The following PKHD1 variants were observed in gnomAD, a reference collection of about 807,000 sequenced individuals.
PKHD1 encodes the protein fibrocystin.
In PKHD1, 291 loss-of-function variants were observed where a neutral mutation model predicts 412.0. The observed-to-expected ratio is 0.71, with a 90% CI of 0.64 to 0.78. The LOEUF (loss-of-function observed/expected upper bound fraction) is 0.78. PKHD1 is among the 30% of genes least tolerant of loss of function. The pLI is 0.00. For synonymous variants in PKHD1, 1,777 were observed against 1,821.5 expected (o/e 0.98, Z 0.62); for missense variants, 4,825 against 4,950.7 (o/e 0.97, Z 0.76).
chr6:51,830,826 T>A (rs758564053), intron 52 of PKHD1, 35 bp downstream of exon 52: 1 of 1,601,664 alleles, frequency 6.2e-7, no homozygotes, highest in Non-Finnish European at 8.6e-7. Flanking sequence ...GGGTTCAGCC[T>A]GTCTGTGATT....
At chr6:51,680,717 T>C (rs868227727) in intron 60 of PKHD1, among the ~76,000 whole-genome samples, 26 of 152,058 alleles carry the variant, frequency 1.7e-4, no homozygotes, top group African/African-American at 5.8e-4. Context: ...GTGTCTTTAT[T>C]TTAATTAAAT....
intron 48 of PKHD1, 124 bp downstream of exon 48, chr6:51,867,739 C>T: frequency 1.1e-6 from 1 of 907,682 alleles, no homozygotes; most frequent in Non-Finnish European, 1.7e-6. Flanking sequence ...ATTCCCATTT[C>T]ACTTCTTTAG....
intron 6 of PKHD1, among the ~76,000 whole-genome samples, chr6:52,075,167 A>T (rs535409765): frequency 6.6e-6 from 1 of 152,368 alleles, no homozygotes; most frequent in South Asian, 2.1e-4. Context: ...AAAGGAGCAG[A>T]TCTGTGAAAA....
At chr6:51,957,460 C>T (rs920996826) in intron 36 of PKHD1, among the ~76,000 whole-genome samples, 1 of 152,054 alleles carries the variant, frequency 6.6e-6, no homozygotes, top group Non-Finnish European at 1.5e-5. Flanking sequence ...TAGGGTTTTA[C>T]TACTAATGAA....
At chr6:51,850,359 T>A (rs1352205261) in intron 49 of PKHD1, among the ~76,000 whole-genome samples, 1 of 152,212 alleles carries the variant, frequency 6.6e-6, no homozygotes, top group Non-Finnish European at 1.5e-5. Flanking sequence ...TTGCTTAGGA[T>A]TGTCTTGGCT....
chr6:52,029,530 C>T (rs1000796864), intron 29 of PKHD1, among the ~76,000 whole-genome samples: 2 of 152,086 alleles, frequency 1.3e-5, no homozygotes, highest in African/African-American at 2.4e-5. Flanking sequence ...ATCAGAGCAA[C>T]ATTATGAATA....
Position 52,082,515 on chromosome 6 carries a change from T to G in PKHD1, c.158A>C (p.Asn53Thr), listed in dbSNP as rs141790557. ...DGLELGVLYP[N>T]NGSQLEIHLV... ...GTGTATCTCCAATTGAGAGCCATTGTTGGGGTAAAGAACACCCAACTCCAA... is the reference window on the plus strand; with the variant it reads ...GTGTATCTCCAATTGAGAGCCATTGGTGGGGTAAAGAACACCCAACTCCAA... Residue 53 changes from asparagine to threonine, a missense_variant, in exon 4 of 67, where the codon AAC becomes ACC. Transcript: ENST00000371117. 3 of 1,614,008 alleles carry G rather than the reference T, an allele frequency of 1.9e-6. No homozygotes were observed. The East Asian group carries it at 6.7e-5, about 36-fold the overall frequency.
Position 51,813,886 on chromosome 6 carries a change from T to C in PKHD1, c.8302+16975A>G, listed in dbSNP as rs1052198051. Among the ~76,000 whole-genome samples, 42 of 152,204 alleles carry C rather than the reference T, an allele frequency of 2.8e-4. 1 individual carries two copies. The highest frequency in any genetic ancestry group is 2.7e-3 in the Admixed American group (42 of 15,274). On this transcript the variant is annotated intron_variant, in intron 52 of 66. Transcript: ENST00000371117. Reference sequence around the variant, plus strand: ...AAACCAGCCTTCCCCTTCTCTTTGTTACCTGAAAAACCTAGGCATAAAGCT... The same window carrying C: ...AAACCAGCCTTCCCCTTCTCTTTGTCACCTGAAAAACCTAGGCATAAAGCT...
At chr6:51,682,788 C>T (rs1188692309) in intron 60 of PKHD1, among the ~76,000 whole-genome samples, 2 of 151,990 alleles carry the variant, frequency 1.3e-5, no homozygotes, top group Non-Finnish European at 2.9e-5. Flanking sequence ...GGAATAGAAA[C>T]AGTAGATTGA....
intron 33 of PKHD1, among the ~76,000 whole-genome samples, chr6:52,020,758 T>C (rs919569626): frequency 6.6e-6 from 1 of 152,154 alleles, no homozygotes; most frequent in African/African-American, 2.4e-5. Flanking sequence ...GCTGGGAAAT[T>C]CTCCCCTGAA....
At chr6:51,669,827 G>A (rs1274206245) in intron 60 of PKHD1, among the ~76,000 whole-genome samples, 1 of 117,708 alleles carries the variant, frequency 8.5e-6, no homozygotes, top group African/African-American at 4.3e-5. Flanking sequence ...TCAGGAGCAG[G>A]TTGTTCAGTT....
rs1766274388 is a variant in PKHD1, at chr6:51,618,975, T to A, written c.*106A>T. On this transcript the variant is annotated 3_prime_UTR_variant, in exon 67 of 67. Transcript: ENST00000371117. ...AAAAAGGGATTCAGAGTCCACATTC[T>A]CTCTTCTTAGTTGTCCCAGCAGGAC... The A allele has an allele frequency of 1.9e-6, 2 of 1,027,742 alleles. No homozygotes were observed. Among genetic ancestry groups the A allele is most frequent in the Admixed American group, 3.4e-5 (2 of 58,940 alleles). The allele number at this position is 1,027,742 out of a possible 1,614,324, so 63.7% of individuals were successfully genotyped here. A position where few individuals can be genotyped will look rare whatever the true frequency, so the allele number is the denominator to read the frequency against.
rs998727507 is a variant in PKHD1, at chr6:51,908,254, A to G, written c.6682+1029T>C. Among the ~76,000 whole-genome samples the G allele has an allele frequency of 3.9e-5, 6 of 152,282 alleles. No homozygotes were observed. The South Asian group carries it at 6.2e-4, about 16-fold the overall frequency. ...CTTAGCATGCAGATAATTTGAAATG[A>G]AGGAAAATGTTGCTTCTGGCAGTTC... On this transcript the variant is annotated intron_variant, in intron 40 of 66. Coordinates refer to ENST00000371117, the MANE Select transcript of PKHD1 (RefSeq NM_138694.4).
At chr6:51,747,038 T>C in intron 58 of PKHD1, 149 bp from the exon 59 acceptor site, 1 of 595,802 alleles carries the variant, frequency 1.7e-6, no homozygotes, top group Non-Finnish European at 2.9e-6. Context: ...ACATACATCT[T>C]GATATAAAAT....
chr6:51,699,907 A>AAT (rs1480951661), intron 60 of PKHD1, among the ~76,000 whole-genome samples: 6 of 59,144 alleles, frequency 1.0e-4, no homozygotes, highest in Non-Finnish European at 2.1e-4. Context: ...TGGCCTCTGG[A>AAT]ATATATATAT....
At chr6:51,972,930 C>T (rs1233959483) in intron 35 of PKHD1, among the ~76,000 whole-genome samples, 1 of 152,184 alleles carries the variant, frequency 6.6e-6, no homozygotes, top group Non-Finnish European at 1.5e-5. Flanking sequence ...TCAGAAAGGG[C>T]AATCTGATAG....
intron 1 of PKHD1, among the ~76,000 whole-genome samples, chr6:52,085,497 C>G (rs1436752827): frequency 6.6e-6 from 1 of 151,972 alleles, no homozygotes; most frequent in East Asian, 1.9e-4. Flanking sequence ...TTCCTGGATG[C>G]CCTCAACTCT....
chr6:52,030,996 G>C (rs1175726523), intron 29 of PKHD1, among the ~76,000 whole-genome samples: 1 of 152,072 alleles, frequency 6.6e-6, no homozygotes, highest in African/African-American at 2.4e-5. Flanking sequence ...AAAAAAAATA[G>C]GACCAATAGG....
At chr6:51,649,255 A>T in intron 61 of PKHD1, 35 bp from the exon 62 acceptor site, 1 of 1,517,186 alleles carries the variant, frequency 6.6e-7, no homozygotes, top group Non-Finnish European at 9.1e-7. Context: ...ATACATCCTT[A>T]GGATTACACA....
Sources: gnomAD v4.1 joint callset for allele counts (sites outside exome capture counted in the v4.1 genomes callset) on GRCh38, gnomAD v4.1.1 for gene constraint, MANE v1.5 for transcripts, NCBI Gene and HGNC (gene_info 2026-07-23, HGNC 2026-07-21) for gene names.